Variants in LGALS8 observed in about 807,000 individuals in gnomAD.
The protein encoded by LGALS8 is galectin 8.
A neutral mutation model predicts 35.9 loss-of-function variants in LGALS8; 30 were observed. That is an observed-to-expected ratio of 0.83 (90% CI 0.62 to 1.13). The LOEUF is 1.13. Ranked by LOEUF, LGALS8 falls within the 50% of genes most tolerant of loss-of-function variation. The probability of loss-of-function intolerance (pLI) is 0.00; values close to 1 mark genes in which losing one functional copy is unlikely to be tolerated. For missense variants in LGALS8, 366 were observed against 388.7 expected (o/e 0.94, Z 0.49); for synonymous variants, 138 against 136.1 (o/e 1.01, Z -0.10).
intron 3 of LGALS8, 140 bp from the exon 4 acceptor site, chr1:236,538,739 C>T: frequency 1.5e-6 from 1 of 654,290 alleles, no homozygotes; most frequent in South Asian, 1.8e-5. Flanking sequence ...ACAGTCAGCT[C>T]TTTAGGCCTC....
chr1:236,521,881 T>C (rs1265591599), upstream of LGALS8, among the ~76,000 whole-genome samples: 1 of 151,798 alleles, frequency 6.6e-6, no homozygotes, highest in Non-Finnish European at 1.5e-5. Flanking sequence ...ATCTGAATTA[T>C]GTTTTGTCAT....
chr1:236,547,918 A>T (rs117527236), intron 9 of LGALS8, 94 bp from the exon 10 acceptor site: 36,301 of 1,108,034 alleles, frequency 0.033, 903 homozygotes, highest in Admixed American at 0.12. Context: ...TTCTATGTAT[A>T]ATCAAATGGT....
At chr1:236,537,704 C>T (rs1661637181) in intron 3 of LGALS8, 119 bp downstream of exon 3, 1 of 753,958 alleles carries the variant, frequency 1.3e-6, no homozygotes, top group Non-Finnish European at 2.3e-6. Context: ...TAGCTTTCAT[C>T]AGCAGCCCTG....
chr1:236,531,560 T>C (rs819416), intron 2 of LGALS8, among the ~76,000 whole-genome samples: 138,645 of 151,980 alleles, frequency 0.91, 63,988 homozygotes, highest in East Asian at 1. Flanking sequence ...CTCCTGACCT[T>C]GTGATCCACC....
chr1:236,539,177 A>T (rs959518648), intron 4 of LGALS8, 88 bp downstream of exon 4: 17 of 1,018,034 alleles, frequency 1.7e-5, no homozygotes, highest in Non-Finnish European at 2.3e-5. Flanking sequence ...CCAGCCTTAT[A>T]TTTCCTACAC....
rs569665609 is a variant in LGALS8 at position 236,540,398 on chromosome 1, C to T, written c.346-166C>T. 1.3e-4 allele frequency: 81 copies of T among 605,540 alleles called. No individual in the cohort carries two copies. In the African/African-American group the frequency reaches 1.5e-3, roughly 11 times the overall value. 37.5% of individuals were successfully genotyped at this position (605,540 alleles called of 1,614,324 possible). A position where few individuals can be genotyped will look rare whatever the true frequency, so the allele number is the denominator to read the frequency against. ...ACTCAAAAGAAGTTTGGAAGCACTG[C>T]TAGTGTTTTGGGTGCTTTCGGTTAC... On this transcript the variant is annotated intron_variant, in intron 4 of 9. Coordinates refer to ENST00000366584, the MANE Select transcript of LGALS8 (RefSeq NM_201544.4).
rs1412150459 is a variant in LGALS8, at chr1:236,549,928, G to C, written c.*1767G>C. On this transcript the variant is annotated 3_prime_UTR_variant, in exon 10 of 10. Transcript: ENST00000366584. ...AAGCTCTGTCTCTAAAATGCAAGTT[G>C]GCCTTTTGCTTGCCACATTTCTGCA... 6.6e-6 allele frequency: 1 copy of C among 152,060 alleles called. No homozygotes were observed. The highest frequency in any genetic ancestry group is 1.5e-5 in the Non-Finnish European group (1 of 68,030). The allele number at this position is 152,060 out of a possible 1,614,324, so 9.4% of individuals were successfully genotyped here.
At chr1:236,538,686 C>CA (rs1661741551) in intron 3 of LGALS8, among the ~76,000 whole-genome samples, 193 bp from the exon 4 acceptor site, 1 of 152,192 alleles carries the variant, frequency 6.6e-6, no homozygotes, top group Non-Finnish European at 1.5e-5. Context: ...AGACCCAGTT[C>CA]AAACTCAGGG....
chr1:236,550,905 G>A lies in LGALS8; in HGVS notation c.*2744G>A. The A allele has an allele frequency of 6.3e-7, 1 of 1,594,456 alleles. No individual in the cohort carries two copies. Among genetic ancestry groups the A allele is most frequent in the Non-Finnish European group, 8.5e-7 (1 of 1,172,326 alleles). On this transcript the variant is annotated 3_prime_UTR_variant, in exon 10 of 10. Coordinates refer to ENST00000366584, the MANE Select transcript of LGALS8 (RefSeq NM_201544.4). ...GTATGAAACACCACAGAAAGTCTTA[G>A]AAATAGCTCTGGAGTGGCTCTCCCA...
At chr1:236,540,441 G>A (rs1489625377) in intron 4 of LGALS8, 123 bp from the exon 5 acceptor site, 6 of 1,145,272 alleles carry the variant, frequency 5.2e-6, no homozygotes, top group Non-Finnish European at 7.1e-6. Context: ...TCATGTGTGT[G>A]GAGACCTGTG....
At chr1:236,521,830 CAA>C (rs35210291), upstream of LGALS8, among the ~76,000 whole-genome samples, 14 of 142,032 alleles carry the variant, frequency 9.9e-5, no homozygotes, top group South Asian at 2.3e-4. Flanking sequence ...GAGACTGCCT[CAA>C]AAAAAAAAAA....
intron 7 of LGALS8, 54 bp from the exon 8 acceptor site, chr1:236,543,506 C>T (rs757468582): frequency 6.2e-6 from 8 of 1,283,348 alleles, no homozygotes; most frequent in Non-Finnish European, 9.1e-6. Flanking sequence ...CACGAGTTTT[C>T]CCTGGAGATC....
At chr1:236,543,731 G>A in intron 8 of LGALS8, 83 bp downstream of exon 8, 1 of 957,298 alleles carries the variant, frequency 1.0e-6, no homozygotes, top group South Asian at 1.3e-5. Flanking sequence ...CCTGTGAGCT[G>A]GAAGAAGGGC....
intron 2 of LGALS8, among the ~76,000 whole-genome samples, chr1:236,537,193 T>C (rs546704600): frequency 6.6e-6 from 1 of 151,810 alleles, no homozygotes; most frequent in Non-Finnish European, 1.5e-5. Flanking sequence ...ATTTTTGTAT[T>C]TTTAGTAGAG....
chr1:236,549,594 T>C lies in LGALS8; in HGVS notation c.*1433T>C, dbSNP rs1349166821. On this transcript the variant is annotated 3_prime_UTR_variant, in exon 10 of 10. Transcript: ENST00000366584. ...ATTCTTTTCCAGCTTTTCATATTAA[T>C]GTATGCAGAGTCTCACCAAGCTCAA... is the stretch of plus-strand genomic sequence containing the variant. 1.3e-5 allele frequency: 2 copies of C among 152,238 alleles called. No individual in the cohort carries two copies. The highest frequency in any genetic ancestry group is 2.9e-5 in the Non-Finnish European group (2 of 68,054). The allele number at this position is 152,238 out of a possible 1,614,324, so 9.4% of individuals were successfully genotyped here. A position where few individuals can be genotyped will look rare whatever the true frequency, so the allele number is the denominator to read the frequency against.
upstream of LGALS8, among the ~76,000 whole-genome samples, chr1:236,522,224 C>T (rs777250068): frequency 2.0e-5 from 3 of 152,168 alleles, no homozygotes; most frequent in Non-Finnish European, 2.9e-5. Flanking sequence ...CACTCAGCCC[C>T]GTTTGCACCT....
intron 2 of LGALS8, chr1:236,536,310 A>G (rs1661498884): frequency 6.6e-6 from 1 of 152,274 alleles, no homozygotes; most frequent in South Asian, 2.1e-4. Flanking sequence ...TCCTGGTCAG[A>G]TGCTCTAGAT....
intron 2 of LGALS8, among the ~76,000 whole-genome samples, chr1:236,531,509 T>G (rs1244433841): frequency 6.6e-6 from 1 of 152,086 alleles, no homozygotes; most frequent in Non-Finnish European, 1.5e-5. Flanking sequence ...GTATTTTTAG[T>G]AGAGACGGGG....
intron 2 of LGALS8, among the ~76,000 whole-genome samples, chr1:236,535,596 G>T (rs1661439731): frequency 6.6e-6 from 1 of 152,046 alleles, no homozygotes. Context: ...ATATATTCTT[G>T]GAACCAGCTG....
Sources: allele counts gnomAD v4.1 joint callset (sites outside exome capture counted in the v4.1 genomes callset), GRCh38; gene constraint gnomAD v4.1.1; transcripts MANE v1.5; gene names NCBI Gene and HGNC (gene_info 2026-07-23, HGNC 2026-07-21).